JMJD6: variants seen among roughly 807,000 people sequenced by gnomAD.
The protein encoded by JMJD6 is jumonji domain containing 6, arginine demethylase and lysine hydroxylase, also known as bifunctional arginine demethylase and lysyl-hydroxylase JMJD6.
JMJD6 carries 17 observed loss-of-function variants against 45.8 expected under a neutral mutation model. The ratio of observed to expected loss-of-function variants is 0.37; its 90% CI spans 0.25 to 0.56. JMJD6 has a LOEUF of 0.56. Ranked by LOEUF, JMJD6 falls within the 20% of genes least tolerant of loss-of-function variation. The pLI, the probability that JMJD6 is intolerant of heterozygous loss-of-function variation, is 0.79. For missense variants in JMJD6, 470 were observed against 517.5 expected, an observed-to-expected ratio of 0.91 and a Z score of 0.89; for synonymous variants, 221 against 196.3, an observed-to-expected ratio of 1.13 and a Z score of -1.05.
At position 76,726,590 on chromosome 17, in the gene JMJD6, T is replaced by G; in HGVS notation, c.-115A>C. 3 of 1,378,606 alleles carry G rather than the reference T, an allele frequency of 2.2e-6. No homozygotes were observed. The highest frequency in any genetic ancestry group is 2.9e-6 in the Non-Finnish European group (3 of 1,039,670). The allele number at this position is 1,378,606 out of a possible 1,614,324, so 85.4% of individuals were successfully genotyped here. On this transcript the variant is annotated 5_prime_UTR_variant, in exon 1 of 6. Coordinates refer to ENST00000397625, the MANE Select transcript of JMJD6 (RefSeq NM_015167.3). ...ACGGCAGTACCCAAACGCCCTTCGC[T>G]CAGTCCCGGCGCCTTTAAAGTCGCC...
chr17:76,720,431 C>T lies in JMJD6; in HGVS notation c.1009G>A (p.Gly337Arg). The change falls in exon 5 of 6, where the codon GGG (glycine) becomes AGG (arginine). Residue 337 changes from glycine to arginine, a missense_variant. This residue lies in a region of JMJD6 where 58 missense variants were observed against 103.9 expected (regional missense o/e 0.56). Transcript: ENST00000397625. ...ADSVDLQEST[G>R]IASDSSSDSS... Reference sequence around the variant, plus strand: ...TCGCTGGAGCTGTCGGAAGCTATCCCTGTGGACTCCTGAAGGTCAACCGAG... The same window carrying T: ...TCGCTGGAGCTGTCGGAAGCTATCCTTGTGGACTCCTGAAGGTCAACCGAG... 6.2e-7 allele frequency: 1 copy of T among 1,614,088 alleles called. No individual in the cohort carries two copies. Among genetic ancestry groups the T allele is most frequent in the Non-Finnish European group, 8.5e-7 (1 of 1,179,972 alleles).
chr17:76,721,446 T>C (rs1303495767), intron 4 of JMJD6: 14 of 296,998 alleles, frequency 4.7e-5, no homozygotes, highest in East Asian at 4.5e-4. Context: ...ATAATGCTTC[T>C]AGGTAAGAAA....
At chr17:76,722,190 G>GT (rs1470496100) in intron 3 of JMJD6, among the ~76,000 whole-genome samples, 2 of 152,198 alleles carry the variant, frequency 1.3e-5, no homozygotes, top group Non-Finnish European at 2.9e-5. Context: ...TTGAGCAGTT[G>GT]TGACAGTCTG....
chr17:76,723,475 C>G (rs2076855042), intron 3 of JMJD6, among the ~76,000 whole-genome samples: 1 of 147,432 alleles, frequency 6.8e-6, no homozygotes, highest in Non-Finnish European at 1.5e-5. Flanking sequence ...GAGTCTTACT[C>G]TGTCACCCTG....
intron 4 of JMJD6, chr17:76,721,183 G>T: frequency 3.8e-6 from 1 of 263,484 alleles, no homozygotes; most frequent in Non-Finnish European, 8.4e-6. Context: ...CAAGAGTCCA[G>T]GGAGAACAGA....
chr17:76,721,709 A>G, intron 4 of JMJD6, 89 bp downstream of exon 4: 3 of 1,394,220 alleles, frequency 2.2e-6, no homozygotes, highest in Non-Finnish European at 3.0e-6. Flanking sequence ...GTGTACGATC[A>G]GCACACATCA....
Position 76,725,691 on chromosome 17 carries a change from C to T in JMJD6, c.294G>A (p.Lys98=), listed in dbSNP as rs1420168510. Residue 98 remains lysine, a synonymous_variant, in exon 2 of 6, where the codon AAG becomes AAA. Coordinates refer to ENST00000397625, the MANE Select transcript of JMJD6 (RefSeq NM_015167.3). The part of the protein sequence containing the change: ...ERLKRKYRNQ[K]FKCGEDNDGY... Reference sequence around the variant, plus strand: ...CATCGTTATCCTCACCACACTTGAACTTCTGGTTCCGATATTTCCTTTTTA... The same window carrying T: ...CATCGTTATCCTCACCACACTTGAATTTCTGGTTCCGATATTTCCTTTTTA... 2 of 1,614,130 alleles carry T rather than the reference C, an allele frequency of 1.2e-6. No individual in the cohort carries two copies. Among genetic ancestry groups the T allele is most frequent in the Non-Finnish European group, 1.7e-6 (2 of 1,180,032 alleles).
chr17:76,720,656 G>T, intron 4 of JMJD6, 158 bp from the exon 5 acceptor site: 1 of 651,634 alleles, frequency 1.5e-6, no homozygotes, highest in Non-Finnish European at 2.6e-6. Flanking sequence ...AAAACCCCAG[G>T]CTGGGAACAA....
intron 3 of JMJD6, 42 bp downstream of exon 3, chr17:76,723,730 C>T (rs572492165): frequency 4.5e-5 from 71 of 1,591,978 alleles, no homozygotes; most frequent in African/African-American, 6.7e-5. Context: ...CATGAACCAC[C>T]GCGCCCGGCA....
At chr17:76,721,559 C>G (rs966036346) in intron 4 of JMJD6, among the ~76,000 whole-genome samples, 3 of 152,216 alleles carry the variant, frequency 2.0e-5, no homozygotes, top group Middle Eastern at 3.2e-3. Context: ...ATTATGACGT[C>G]TTGACTGAGT....
intron 2 of JMJD6, among the ~76,000 whole-genome samples, chr17:76,725,111 T>C (rs540436191): frequency 4.6e-5 from 7 of 152,106 alleles, no homozygotes; most frequent in African/African-American, 1.7e-4. Context: ...CTGTTGTAGA[T>C]AAGATTTTAA....
intron 3 of JMJD6, among the ~76,000 whole-genome samples, 182 bp from the exon 4 acceptor site, chr17:76,722,115 G>A (rs55690807): frequency 0.038 from 5,709 of 152,168 alleles, 373 homozygotes; most frequent in African/African-American, 0.13. Context: ...AAGTTTTATC[G>A]GAGCACAGCC....
intron 2 of JMJD6, among the ~76,000 whole-genome samples, chr17:76,725,026 A>G (rs758536): frequency 0.99 from 150,951 of 152,260 alleles, 74,839 homozygotes; most frequent in East Asian, 1. Context: ...AGCCCCCTAA[A>G]TGAGTTCAAT....
intron 2 of JMJD6, 117 bp downstream of exon 2, chr17:76,725,350 G>C (rs1047428624): frequency 4.1e-5 from 40 of 987,286 alleles, no homozygotes; most frequent in Non-Finnish European, 5.3e-5. Flanking sequence ...AGGTTGCTGT[G>C]AGCCGAGATC....
downstream of JMJD6, among the ~76,000 whole-genome samples, chr17:76,717,616 G>A (rs1222684266): frequency 1.3e-5 from 2 of 152,140 alleles, no homozygotes; most frequent in Non-Finnish European, 2.9e-5. Flanking sequence ...GGGAGGCTGA[G>A]GTGGGGGGAT....
chr17:76,726,326 AC>A lies in JMJD6; in HGVS notation c.129+20del, dbSNP rs751780358. On this transcript the variant is annotated intron_variant, in intron 1 of 5. Coordinates refer to ENST00000397625, the MANE Select transcript of JMJD6 (RefSeq NM_015167.3). ...GGAGGTGCCGATGCCCGGCCTGGCC[AC>A]CCCCGCCCGACCCGCTCACCGCCAC... 2.6e-6 allele frequency: 4 copies of A among 1,550,360 alleles called. No homozygotes were observed. In the South Asian group the frequency reaches 3.5e-5, roughly 14 times the overall value.
intron 4 of JMJD6, 75 bp from the exon 5 acceptor site, chr17:76,720,573 C>A: frequency 6.7e-7 from 1 of 1,485,910 alleles, no homozygotes; most frequent in East Asian, 2.3e-5. Flanking sequence ...AGAGTCGAGG[C>A]CTGTGTCTCT....
chr17:76,725,565 G>A lies in JMJD6; in HGVS notation c.420C>T (p.His140=), dbSNP rs771172541. 7 of 1,614,080 alleles carry A rather than the reference G, an allele frequency of 4.3e-6. No homozygotes were observed. Among genetic ancestry groups the A allele is most frequent in the Non-Finnish European group, 5.9e-6 (7 of 1,180,010 alleles). ...LYIFDSSYGE[H]PKRRKLLEDY... ...CTTCCAAAAGTTTCCTTCTTTTAGGGTGTTCACCATAGCTGCTGTCAAAGA... is the reference window on the plus strand; with the variant it reads ...CTTCCAAAAGTTTCCTTCTTTTAGGATGTTCACCATAGCTGCTGTCAAAGA... Residue 140 remains histidine (H), a synonymous_variant, in exon 2 of 6, where the codon CAC becomes CAT. Transcript: ENST00000397625.
At position 76,718,675 on chromosome 17, in the gene JMJD6, G is replaced by A. The variant is rs1341444883; in HGVS notation, c.*54C>T. ...AGGACTGGACAGGCCACCCTCCCCAGGCCCTGCCCTTGCCGCGAGCGTGTC... is the reference window on the plus strand; with the variant it reads ...AGGACTGGACAGGCCACCCTCCCCAAGCCCTGCCCTTGCCGCGAGCGTGTC... On this transcript the variant is annotated 3_prime_UTR_variant, in exon 6 of 6. Transcript: ENST00000397625. 5 of 1,591,222 alleles carry A rather than the reference G, an allele frequency of 3.1e-6. No individual in the cohort carries two copies. The highest frequency in any genetic ancestry group is 4.3e-6 in the Non-Finnish European group (5 of 1,168,710).
Sources: allele counts gnomAD v4.1 joint callset (sites outside exome capture counted in the v4.1 genomes callset), GRCh38; gene constraint gnomAD v4.1.1; regional missense constraint gnomAD v4.1.1; transcripts MANE v1.5; gene names NCBI Gene and HGNC (gene_info 2026-07-23, HGNC 2026-07-21).